The following SFMBT1 variants were observed in gnomAD, a reference collection of about 807,000 sequenced individuals.
The protein encoded by SFMBT1 is scm-like with four MBT domains protein 1.
A neutral mutation model predicts 108.7 loss-of-function variants in SFMBT1; 32 were observed. That is an observed-to-expected ratio of 0.29 (90% CI 0.22 to 0.40). The LOEUF is 0.40. Ranked by LOEUF, SFMBT1 falls within the 10% of genes least tolerant of loss-of-function variation. The pLI, the probability that SFMBT1 is intolerant of heterozygous loss-of-function variation, is 1.00. For synonymous variants in SFMBT1, 348 were observed against 369.5 expected (o/e 0.94, Z 0.67); for missense variants, 816 against 1,059.6 (o/e 0.77, Z 3.19).
At chr3:52,942,171 C>T (rs1559519829) in intron 4 of SFMBT1, among the ~76,000 whole-genome samples, 1 of 152,124 alleles carries the variant, frequency 6.6e-6, no homozygotes. Context: ...AAACAATGTT[C>T]CTTTTAAAAA....
chr3:52,991,466 T>G (rs960632307), intron 1 of SFMBT1, among the ~76,000 whole-genome samples: 2 of 150,806 alleles, frequency 1.3e-5, no homozygotes, highest in Non-Finnish European at 3.0e-5. Flanking sequence ...TGCCTCAGCC[T>G]CCCGAGTAGC....
chr3:52,986,609 T>C (rs1200535480), intron 1 of SFMBT1, among the ~76,000 whole-genome samples: 1 of 149,744 alleles, frequency 6.7e-6, no homozygotes, highest in Non-Finnish European at 1.5e-5. Context: ...CTACTAAAAA[T>C]ACAAAAAAAA....
At chr3:52,906,030 A>C in intron 20 of SFMBT1, 83 bp downstream of exon 20, 1 of 1,476,196 alleles carries the variant, frequency 6.8e-7, no homozygotes, top group East Asian at 2.3e-5. Context: ...TTTTCCTAAA[A>C]CTTGTAAATA....
chr3:52,936,640 G>C (rs1004385824), intron 4 of SFMBT1, among the ~76,000 whole-genome samples: 14 of 152,134 alleles, frequency 9.2e-5, no homozygotes, highest in Admixed American at 7.9e-4. Context: ...CCTAGTGCAG[G>C]ACTCAGCTAC....
intron 1 of SFMBT1, among the ~76,000 whole-genome samples, chr3:53,033,738 A>G (rs2106962180): frequency 6.6e-6 from 1 of 151,390 alleles, no homozygotes; most frequent in Admixed American, 6.6e-5. Flanking sequence ...CTTTATGTAT[A>G]ACTACAATGC....
intron 7 of SFMBT1, 94 bp downstream of exon 7, chr3:52,930,847 C>T (rs1360453071): frequency 5.3e-6 from 5 of 945,478 alleles, no homozygotes; most frequent in South Asian, 1.4e-5. Context: ...GCATTCTTAC[C>T]GACTGCAGGG....
intron 1 of SFMBT1, among the ~76,000 whole-genome samples, chr3:53,032,883 G>A (rs1355480178): frequency 6.6e-6 from 1 of 152,228 alleles, no homozygotes; most frequent in East Asian, 1.9e-4. Context: ...GGGAGTCCAG[G>A]AGGGAAGGCT....
At chr3:52,906,505 G>T (rs1203684468) in intron 19 of SFMBT1, among the ~76,000 whole-genome samples, 12 of 152,106 alleles carry the variant, frequency 7.9e-5, no homozygotes, top group Non-Finnish European at 1.5e-4. Context: ...AGAAAAACAG[G>T]GTGCTGAAGA....
chr3:53,019,646 A>C (rs1055525780), intron 1 of SFMBT1, among the ~76,000 whole-genome samples: 4 of 152,144 alleles, frequency 2.6e-5, no homozygotes, highest in African/African-American at 9.7e-5. Context: ...AGCCACCATG[A>C]ATTTTGAAAT....
At chr3:52,999,281 G>A (rs1189966518) in intron 1 of SFMBT1, among the ~76,000 whole-genome samples, 1 of 150,438 alleles carries the variant, frequency 6.6e-6, no homozygotes, top group African/African-American at 2.4e-5. Context: ...GGAACCCTAC[G>A]TGAAGGAGGC....
In SFMBT1 at chr3:52,952,237, A is replaced by G. The variant is rs544095545; in HGVS notation, c.123+2080T>C. ...GCCGGGTGTGATGGCGGGCGCCTGC[A>G]GTCCCAGCTACTCGGGAGGCTGAGG... is the stretch of plus-strand genomic sequence containing the variant. On this transcript the variant is annotated intron_variant, in intron 3 of 20. Coordinates refer to ENST00000394752, the MANE Select transcript of SFMBT1 (RefSeq NM_016329.4). Among the ~76,000 whole-genome samples, 10 of 152,324 alleles carry G rather than the reference A, an allele frequency of 6.6e-5. No individual in the cohort carries two copies. In the South Asian group the frequency reaches 2.1e-3, roughly 32 times the overall value.
intron 4 of SFMBT1, among the ~76,000 whole-genome samples, chr3:52,938,851 C>T (rs73839718): frequency 0.013 from 2,000 of 152,216 alleles, 47 homozygotes; most frequent in African/African-American, 0.046. Context: ...CTAATGTTAC[C>T]TCATTAATTT....
chr3:53,021,398 T>C (rs2106943094), intron 1 of SFMBT1, among the ~76,000 whole-genome samples: 1 of 152,320 alleles, frequency 6.6e-6, no homozygotes, highest in African/African-American at 2.4e-5. Flanking sequence ...GGGTGATGTG[T>C]AAACTGGGGA....
At chr3:53,007,981 G>A (rs1698803784) in intron 1 of SFMBT1, among the ~76,000 whole-genome samples, 2 of 151,058 alleles carry the variant, frequency 1.3e-5, no homozygotes, top group Admixed American at 1.3e-4. Flanking sequence ...TCAAGACCAT[G>A]AAAGTCAAAA....
intron 1 of SFMBT1, among the ~76,000 whole-genome samples, chr3:53,042,506 ATTT>A (rs1179917715): frequency 6.6e-6 from 1 of 151,970 alleles, no homozygotes; most frequent in Non-Finnish European, 1.5e-5. Flanking sequence ...CGCCTGGCTA[ATTT>A]TTTTATTTTT....
chr3:52,954,959 T>C (rs767997008), intron 2 of SFMBT1, among the ~76,000 whole-genome samples: 9 of 151,602 alleles, frequency 5.9e-5, no homozygotes, highest in South Asian at 2.1e-4. Context: ...TCAAAATATA[T>C]CCAAAAGCTA....
At chr3:52,928,657 C>CATATAT (rs111569868) in intron 8 of SFMBT1, among the ~76,000 whole-genome samples, 1,433 of 36,540 alleles carry the variant, frequency 0.039, 30 homozygotes, top group Non-Finnish European at 0.073. Flanking sequence ...TATATATACA[C>CATATAT]ATATATACAT....
chr3:52,916,311 G>T, intron 13 of SFMBT1, 97 bp from the exon 14 acceptor site: 1 of 1,038,308 alleles, frequency 9.6e-7, no homozygotes, highest in Non-Finnish European at 1.5e-6. Flanking sequence ...AAGCAAATGT[G>T]GCATGTTCGC....
intron 17 of SFMBT1, among the ~76,000 whole-genome samples, chr3:52,909,815 G>A (rs1265093776): frequency 6.6e-6 from 1 of 152,180 alleles, no homozygotes; most frequent in Admixed American, 6.5e-5. Context: ...TTCATCCTAT[G>A]TGACCCCTGC....
Sources: allele counts gnomAD v4.1 joint callset (sites outside exome capture counted in the v4.1 genomes callset), GRCh38; gene constraint gnomAD v4.1.1; transcripts MANE v1.5; gene names NCBI Gene and HGNC (gene_info 2026-07-23, HGNC 2026-07-21).